Variants in ARHGAP28 observed in about 807,000 individuals in gnomAD.
ARHGAP28 encodes Rho GTPase activating protein 28, also known as rho GTPase-activating protein 28.
ARHGAP28 carries 56 observed loss-of-function variants against 90.7 expected under a neutral mutation model. That is an observed-to-expected ratio of 0.62 (90% CI 0.50 to 0.77). ARHGAP28 has a LOEUF of 0.77. Among genes scored for constraint, ARHGAP28 ranks in the 30% least tolerant of loss-of-function variants. The pLI is 0.00. For missense variants in ARHGAP28, 869 were observed against 900.9 expected, an observed-to-expected ratio of 0.96 and a Z score of 0.45; for synonymous variants, 308 against 323.3, an observed-to-expected ratio of 0.95 and a Z score of 0.51.
chr18:6,805,508 G>A (rs2056512150), intron 1 of ARHGAP28, among the ~76,000 whole-genome samples: 1 of 100,732 alleles, frequency 9.9e-6, no homozygotes, highest in Non-Finnish European at 1.9e-5. Context: ...TTTTTGAAAC[G>A]GAATTTCACT....
chr18:6,754,155 C>T (rs1201152053), intron 1 of ARHGAP28, among the ~76,000 whole-genome samples: 2 of 152,172 alleles, frequency 1.3e-5, no homozygotes, highest in Admixed American at 1.3e-4. Context: ...TGTGACTCTG[C>T]AGCTGTAATT....
intron 1 of ARHGAP28, among the ~76,000 whole-genome samples, chr18:6,768,975 A>T (rs7242399): frequency 0.03 from 4,528 of 152,168 alleles, 194 homozygotes; most frequent in African/African-American, 0.097. Context: ...CTAGTTGTTT[A>T]TGGTGGCAAG....
intron 11 of ARHGAP28, among the ~76,000 whole-genome samples, chr18:6,886,331 C>T (rs2057220806): frequency 6.6e-6 from 1 of 152,114 alleles, no homozygotes; most frequent in African/African-American, 2.4e-5. Flanking sequence ...CAAAGGAAAG[C>T]CTAGATTCTC....
chr18:6,840,309 T>C (rs555219540), intron 3 of ARHGAP28, among the ~76,000 whole-genome samples: 1 of 152,310 alleles, frequency 6.6e-6, no homozygotes, highest in African/African-American at 2.4e-5. Context: ...AGACTTTGAA[T>C]TTTGCTTTTC....
intron 9 of ARHGAP28, 41 bp downstream of exon 9, chr18:6,873,816 A>C: frequency 3.3e-6 from 5 of 1,534,994 alleles, no homozygotes; most frequent in Non-Finnish European, 4.5e-6. Context: ...ACAGAGCCTC[A>C]TGCTTATGAT....
chr18:6,759,108 T>A (rs988651767), intron 1 of ARHGAP28, among the ~76,000 whole-genome samples: 2 of 152,202 alleles, frequency 1.3e-5, no homozygotes, highest in Non-Finnish European at 2.9e-5. Context: ...TTATAGGCAT[T>A]ATTTCACCGT....
At chr18:6,895,976 C>T (rs908007083) in intron 15 of ARHGAP28, among the ~76,000 whole-genome samples, 1 of 152,112 alleles carries the variant, frequency 6.6e-6, no homozygotes, top group Admixed American at 6.5e-5. Flanking sequence ...CCCACAGCCA[C>T]CTACACTGCC....
At position 6,851,026 on chromosome 18, in the gene ARHGAP28, TC is replaced by T; in HGVS notation, c.544-6del. The T allele has an allele frequency of 6.2e-7, 1 of 1,613,862 alleles. No individual in the cohort carries two copies. The highest frequency in any genetic ancestry group is 1.1e-5 in the South Asian group (1 of 91,020). On this transcript the variant is annotated splice_polypyrimidine_tract_variant and splice_region_variant and intron_variant, in intron 3 of 17. Coordinates refer to ENST00000383472, the MANE Select transcript of ARHGAP28 (RefSeq NM_001366230.1). ...CTGGATAAACGTGGCTTTCATTTCT[TC>T]CGTTAGCCTCGTGATACCTGTGGCA...
chr18:6,837,445 G>A lies in ARHGAP28; in HGVS notation c.543+31G>A, dbSNP rs780894881. On this transcript the variant is annotated intron_variant, in intron 3 of 17. Transcript: ENST00000383472. ...TAATGGCTCAAACATGGCTCAAAAGGCGCCTAGTTTGACTGGGGATGGGGT... is the reference window on the plus strand; with the variant it reads ...TAATGGCTCAAACATGGCTCAAAAGACGCCTAGTTTGACTGGGGATGGGGT... 4 of 1,145,554 alleles carry A rather than the reference G, an allele frequency of 3.5e-6. No individual in the cohort carries two copies. In the South Asian group the frequency reaches 4.8e-5, roughly 14 times the overall value. 71.0% of individuals were successfully genotyped at this position (1,145,554 alleles called of 1,614,324 possible).
intron 3 of ARHGAP28, among the ~76,000 whole-genome samples, chr18:6,841,234 G>A (rs1222577969): frequency 2.5e-4 from 8 of 32,104 alleles, no homozygotes; most frequent in Admixed American, 3.4e-4. Flanking sequence ...CCCCCAACCC[G>A]CCCCCACCAA....
chr18:6,768,287 G>A (rs1035345419), intron 1 of ARHGAP28, among the ~76,000 whole-genome samples: 3 of 151,870 alleles, frequency 2.0e-5, no homozygotes, highest in African/African-American at 7.3e-5. Flanking sequence ...GTCTGTTTTT[G>A]AGCCTCATTT....
chr18:6,742,063 A>G (rs531410650), intron 1 of ARHGAP28, among the ~76,000 whole-genome samples: 7 of 152,294 alleles, frequency 4.6e-5, no homozygotes, highest in South Asian at 2.1e-4. Flanking sequence ...GGACCGAAGG[A>G]TTCCATGGGG....
In ARHGAP28 at chr18:6,870,077, A is replaced by G. The variant is rs371505823; in HGVS notation, c.812-513A>G. ...CCGATTAATTCACCTGAACAAATTT[A>G]GCCATGAAATACAAATGGAATTTGA... On this transcript the variant is annotated intron_variant, in intron 6 of 17. Transcript: ENST00000383472. Among the ~76,000 whole-genome samples the G allele has an allele frequency of 1.5e-4, 23 of 152,362 alleles. No homozygotes were observed. The East Asian group carries it at 4.2e-3, about 28-fold the overall frequency.
At chr18:6,795,755 C>A (rs2056437252) in intron 1 of ARHGAP28, among the ~76,000 whole-genome samples, 1 of 152,188 alleles carries the variant, frequency 6.6e-6, no homozygotes, top group African/African-American at 2.4e-5. Context: ...GACATTCTCA[C>A]TGGGCAAGCT....
chr18:6,893,726 C>CTA (rs1319103102), intron 14 of ARHGAP28, among the ~76,000 whole-genome samples: 1 of 151,954 alleles, frequency 6.6e-6, no homozygotes, highest in East Asian at 1.9e-4. Context: ...CTGTACATTG[C>CTA]TATATCAATG....
Position 6,839,414 on chromosome 18 carries a change from C to T in ARHGAP28, c.543+2000C>T, listed in dbSNP as rs1358769120. ...GTTCACGCCATTCTCCCCCCTCAGC[C>T]TCCCGAGTAACTGGGACTATAGGCG... On this transcript the variant is annotated intron_variant, in intron 3 of 17. Transcript: ENST00000383472. Among the ~76,000 whole-genome samples, 8 of 152,072 alleles carry T rather than the reference C, an allele frequency of 5.3e-5. 1 individual carries two copies. In the East Asian group the frequency reaches 1.4e-3, roughly 26 times the overall value.
rs138626207 is a variant in ARHGAP28, at chr18:6,784,139, C to T, written c.123-40623C>T. Among the ~76,000 whole-genome samples, 129 of 152,204 alleles carry T rather than the reference C, an allele frequency of 8.5e-4. 1 individual carries two copies. The East Asian group carries it at 0.022, about 26-fold the overall frequency. On this transcript the variant is annotated intron_variant, in intron 1 of 17. Coordinates refer to ENST00000383472, the MANE Select transcript of ARHGAP28 (RefSeq NM_001366230.1). ...CATGCAGTTGGAGATCCCGGGAGCC[C>T]AGTCAAATCCATGCAGTTGGAGATC...
intron 1 of ARHGAP28, among the ~76,000 whole-genome samples, chr18:6,774,691 A>G (rs567498088): frequency 2.6e-5 from 4 of 152,320 alleles, no homozygotes; most frequent in Admixed American, 1.3e-4. Context: ...AAGCTCTTCT[A>G]TTCTTTAATG....
intron 3 of ARHGAP28, among the ~76,000 whole-genome samples, chr18:6,841,150 C>T (rs1180805238): frequency 2.5e-5 from 3 of 121,588 alleles, no homozygotes; most frequent in African/African-American, 5.9e-5. Flanking sequence ...CACTGTCTCT[C>T]TCCTCTTTCT....
Sources: gnomAD v4.1 joint callset for allele counts (sites outside exome capture counted in the v4.1 genomes callset) on GRCh38, gnomAD v4.1.1 for gene constraint, MANE v1.5 for transcripts, NCBI Gene and HGNC (gene_info 2026-07-23, HGNC 2026-07-21) for gene names.